Variants in ZDHHC15 observed in about 807,000 individuals in gnomAD.
ZDHHC15 encodes zDHHC palmitoyltransferase 15.
ZDHHC15 carries 19 observed loss-of-function variants against 31.7 expected under a neutral mutation model. That is an observed-to-expected ratio of 0.60 (90% CI 0.42 to 0.88). The LOEUF is 0.88. Ranked by LOEUF, ZDHHC15 falls within the 40% of genes least tolerant of loss-of-function variation. The pLI is 0.00. For missense variants in ZDHHC15, 209 were observed against 251.2 expected, an observed-to-expected ratio of 0.83 and a Z score of 1.14; for synonymous variants, 103 against 90.0, an observed-to-expected ratio of 1.14 and a Z score of -0.82.
At chrX:75,373,111 T>C (rs2083018919) in intron 11 of ZDHHC15, among the ~76,000 whole-genome samples, 166 bp from the exon 12 acceptor site, 1 of 111,660 alleles carries the variant, frequency 9.0e-6, no homozygotes, top group East Asian at 2.8e-4. Context: ...AAATTATATA[T>C]ACAATGCTAT....
At chrX:75,411,968 T>C (rs1425443429) in intron 10 of ZDHHC15, among the ~76,000 whole-genome samples, 1 of 111,947 alleles carries the variant, frequency 8.9e-6, no homozygotes, top group East Asian at 2.8e-4. Context: ...GTGAAGGACC[T>C]GAATAGACAT....
At chrX:75,468,362 G>A (rs1279361211) in intron 3 of ZDHHC15, among the ~76,000 whole-genome samples, 1 of 111,691 alleles carries the variant, frequency 9.0e-6, no homozygotes, top group Non-Finnish European at 1.9e-5. Flanking sequence ...ATGTTTTCAA[G>A]GTTCATCCGT....
At chrX:75,454,026 A>T (rs1257052105) in intron 3 of ZDHHC15, among the ~76,000 whole-genome samples, 2 of 111,562 alleles carry the variant, frequency 1.8e-5, no homozygotes, top group African/African-American at 6.5e-5. Context: ...ATCATATTGG[A>T]AGTTCTGGCC....
chrX:75,414,579 G>A (rs1428902179), intron 10 of ZDHHC15, among the ~76,000 whole-genome samples: 2 of 96,397 alleles, frequency 2.1e-5, no homozygotes, highest in South Asian at 5.6e-4. Flanking sequence ...ACAGGTGCCC[G>A]CAACCACGTC....
At chrX:75,487,502 C>A (rs777970133) in intron 2 of ZDHHC15, among the ~76,000 whole-genome samples, 11 of 112,103 alleles carry the variant, frequency 9.8e-5, no homozygotes, top group Non-Finnish European at 1.3e-4. Context: ...ATCAAGGGAT[C>A]ACCCCATGGG....
chrX:75,458,980 T>G (rs751176256), intron 3 of ZDHHC15, among the ~76,000 whole-genome samples: 2 of 49,568 alleles, frequency 4.0e-5, no homozygotes, highest in African/African-American at 7.9e-5. Flanking sequence ...CTCCCAGGAG[T>G]GGCACAGAGA....
At chrX:75,441,406 T>A (rs755099313) in intron 4 of ZDHHC15, among the ~76,000 whole-genome samples, 1 of 111,058 alleles carries the variant, frequency 9.0e-6, no homozygotes, top group East Asian at 2.9e-4. Flanking sequence ...CTCTCCAAAT[T>A]TGTTTCCGCT....
chrX:75,394,648 A>T (rs1197215823), intron 10 of ZDHHC15, among the ~76,000 whole-genome samples: 1 of 112,176 alleles, frequency 8.9e-6, no homozygotes, highest in Non-Finnish European at 1.9e-5. Context: ...ATAATGATAA[A>T]GGGGTCTATT....
intron 3 of ZDHHC15, among the ~76,000 whole-genome samples, chrX:75,470,837 G>A (rs1461288183): frequency 1.8e-5 from 2 of 111,359 alleles, no homozygotes; most frequent in African/African-American, 3.3e-5. Flanking sequence ...TTATTATGGT[G>A]GGAAAGACCA....
At chrX:75,451,593 T>A (rs2084119352) in intron 3 of ZDHHC15, among the ~76,000 whole-genome samples, 1 of 111,721 alleles carries the variant, frequency 9.0e-6, no homozygotes, top group South Asian at 3.7e-4. Flanking sequence ...AAGGGTAGAC[T>A]GAGTTGAAAA....
At chrX:75,490,128 A>C (rs1324171313) in intron 2 of ZDHHC15, among the ~76,000 whole-genome samples, 1 of 112,042 alleles carries the variant, frequency 8.9e-6, no homozygotes, top group Non-Finnish European at 1.9e-5. Flanking sequence ...TGTACCTGAA[A>C]GTGACAGGGA....
intron 10 of ZDHHC15, among the ~76,000 whole-genome samples, chrX:75,386,165 T>G (rs1340219665): frequency 2.7e-5 from 3 of 111,432 alleles, no homozygotes; most frequent in Non-Finnish European, 5.7e-5. Flanking sequence ...TTTATCCAAA[T>G]AACAAAAGAG....
At chrX:75,467,966 G>A (rs2147951497) in intron 3 of ZDHHC15, among the ~76,000 whole-genome samples, 1 of 110,554 alleles carries the variant, frequency 9.0e-6, no homozygotes, top group East Asian at 2.9e-4. Flanking sequence ...CTATGGATTT[G>A]CCTTTCTGGA....
chrX:75,401,450 G>T (rs2083356415), intron 10 of ZDHHC15, among the ~76,000 whole-genome samples: 1 of 111,270 alleles, frequency 9.0e-6, no homozygotes, highest in East Asian at 2.8e-4. Context: ...AGAGTGGCAA[G>T]CTGAGTTAAA....
At chrX:75,395,934 A>G (rs2083294781) in intron 10 of ZDHHC15, among the ~76,000 whole-genome samples, 1 of 112,414 alleles carries the variant, frequency 8.9e-6, no homozygotes, top group Non-Finnish European at 1.9e-5. Flanking sequence ...GGAAAACTGG[A>G]TATCCATATG....
intron 10 of ZDHHC15, among the ~76,000 whole-genome samples, chrX:75,397,107 A>G (rs1225335234): frequency 1.8e-5 from 2 of 110,481 alleles, no homozygotes; most frequent in Middle Eastern, 9.3e-3. Flanking sequence ...CGGGTGGATC[A>G]CCTGAGGTCA....
intron 11 of ZDHHC15, among the ~76,000 whole-genome samples, chrX:75,374,687 G>GTGTGTGTGTATA (rs745526466): frequency 2.2e-4 from 20 of 91,682 alleles, no homozygotes; most frequent in African/African-American, 7.4e-4. Context: ...GTGTGTGTGT[G>GTGTGTGTGTATA]TATATATATA....
intron 2 of ZDHHC15, among the ~76,000 whole-genome samples, chrX:75,493,875 G>C (rs922316161): frequency 1.8e-5 from 2 of 111,652 alleles, no homozygotes; most frequent in Non-Finnish European, 3.8e-5. Context: ...TCTGGCACAA[G>C]ACAGGGATGC....
chrX:75,408,081 G>A (rs1285521895), intron 10 of ZDHHC15, among the ~76,000 whole-genome samples: 10 of 110,126 alleles, frequency 9.1e-5, no homozygotes, highest in Non-Finnish European at 1.7e-4. Flanking sequence ...GCAGAAGGCC[G>A]CAGGGTCCTC....
Sources: allele counts gnomAD v4.1 joint callset (sites outside exome capture counted in the v4.1 genomes callset), GRCh38; gene constraint gnomAD v4.1.1; transcripts MANE v1.5; gene names NCBI Gene and HGNC (gene_info 2026-07-23, HGNC 2026-07-21).